C21orf91: variants seen among roughly 807,000 people sequenced by gnomAD.
The protein encoded by C21orf91 is chromosome 21 open reading frame 91, also known as protein EURL homolog.
Under a neutral mutation model 32.9 loss-of-function variants are expected in C21orf91, and 26 were observed. The observed-to-expected ratio is 0.79, with a 90% CI of 0.58 to 1.10. The LOEUF (loss-of-function observed/expected upper bound fraction) is 1.10. Ranked by LOEUF, C21orf91 falls within the 50% of genes least tolerant of loss-of-function variation. The probability of loss-of-function intolerance (pLI) is 0.00; values close to 1 mark genes in which losing one functional copy is unlikely to be tolerated. For synonymous variants in C21orf91, 126 were observed against 120.4 expected (o/e 1.05, Z -0.31); for missense variants, 310 against 341.3 (o/e 0.91, Z 0.72).
intron 2 of C21orf91, among the ~76,000 whole-genome samples, chr21:17,812,591 C>G (rs996067352): frequency 6.6e-6 from 1 of 152,134 alleles, no homozygotes; most frequent in Non-Finnish European, 1.5e-5. Context: ...GGGTGCATCA[C>G]GAGCTCAGGA....
chr21:17,814,354 T>C (rs2062651898), intron 2 of C21orf91, among the ~76,000 whole-genome samples: 1 of 152,206 alleles, frequency 6.6e-6, no homozygotes, highest in South Asian at 2.1e-4. Flanking sequence ...AAAAAGTTCA[T>C]AGTGTCTTAG....
intron 2 of C21orf91, chr21:17,810,857 C>T (rs1210578630): frequency 1.3e-5 from 2 of 152,174 alleles, no homozygotes; most frequent in African/African-American, 4.8e-5. Flanking sequence ...ATTATGTTGG[C>T]ATATTATTGT....
chr21:17,817,725 G>C (rs1373880293), intron 2 of C21orf91: 1 of 152,116 alleles, frequency 6.6e-6, no homozygotes, highest in Admixed American at 6.5e-5. Context: ...TCACTGAAAA[G>C]AGGTTAATCT....
chr21:17,813,843 A>C (rs965551441), intron 2 of C21orf91: 2 of 152,144 alleles, frequency 1.3e-5, no homozygotes, highest in Non-Finnish European at 2.9e-5. Context: ...CAATCTTATA[A>C]AAAAGTTTTA....
chr21:17,795,526 G>C (rs2062510981), intron 3 of C21orf91, among the ~76,000 whole-genome samples: 1 of 152,194 alleles, frequency 6.6e-6, no homozygotes, highest in South Asian at 2.1e-4. Context: ...CCAGGTGGCA[G>C]TGCAGTGGTG....
chr21:17,804,484 G>T (rs2062582434), intron 2 of C21orf91, among the ~76,000 whole-genome samples: 1 of 152,172 alleles, frequency 6.6e-6, no homozygotes. Context: ...CCATATTCAA[G>T]TACCCAACAT....
chr21:17,796,728 GAAAGTCC>G lies in C21orf91; in HGVS notation c.511_517del (p.Gly171LeufsTer50). 1 of 1,614,124 alleles carries G rather than the reference GAAAGTCC, an allele frequency of 6.2e-7. No homozygotes were observed. Among genetic ancestry groups the G allele is most frequent in the Middle Eastern group, 1.6e-4 (1 of 6,062 alleles). On this transcript the variant is annotated frameshift_variant, in exon 3 of 5. Coordinates refer to ENST00000284881, the MANE Select transcript of C21orf91 (RefSeq NM_001100420.2). LOFTEE classifies it high-confidence loss of function. ...AGTGGCACCTGAATCTTGTAACATA[GAAAGTCC>G]AAAGTCTGTATTTTCCCTCTGCTCC...
At position 17,796,620 on chromosome 21, in the gene C21orf91, T is replaced by A; in HGVS notation, c.626A>T (p.Asn209Ile). The change falls in exon 3 of 5, where the codon AAT (asparagine) becomes ATT (isoleucine). Residue 209 changes from asparagine to isoleucine, a missense_variant. Transcript: ENST00000284881. ...GTAATGTGGATGCTGGGTCTGGACA[T>A]TAGCCTCTGGACTAGAGATTGTCTC... Reference protein sequence around the residue: ...KEETISSPEANVQTQHPHYSR... With the variant: ...KEETISSPEAIVQTQHPHYSR... The A allele has an allele frequency of 6.2e-7, 1 of 1,614,042 alleles. No individual in the cohort carries two copies.
At chr21:17,800,459 T>C (rs1568751333) in intron 2 of C21orf91, among the ~76,000 whole-genome samples, 1 of 152,228 alleles carries the variant, frequency 6.6e-6, no homozygotes, top group Admixed American at 6.5e-5. Context: ...CTTGAAGTGA[T>C]TTGTTGTTTC....
chr21:17,818,410 T>C (rs2062679956), intron 1 of C21orf91, 85 bp from the exon 2 acceptor site: 2 of 1,118,046 alleles, frequency 1.8e-6, no homozygotes, highest in Non-Finnish European at 2.6e-6. Context: ...TTCTAGGAAA[T>C]AAGGATGCTG....
At position 17,801,290 on chromosome 21, in the gene C21orf91, A is replaced by T. The variant is rs1270895115; in HGVS notation, c.128-4172T>A. ...ACACCGTATGTTTTTTTTTTTTTTT[A>T]GACGGAGTCTCGCTCTGTCACCCAG... On this transcript the variant is annotated intron_variant, in intron 2 of 4. Transcript: ENST00000284881. Among the ~76,000 whole-genome samples the T allele has an allele frequency of 1.9e-4, 28 of 145,226 alleles. 1 individual carries two copies. Among genetic ancestry groups the T allele is most frequent in the East Asian group, 1.8e-3 (8 of 4,424 alleles).
intron 2 of C21orf91, among the ~76,000 whole-genome samples, chr21:17,801,569 C>T (rs1342771776): frequency 6.6e-6 from 1 of 151,980 alleles, no homozygotes; most frequent in Non-Finnish European, 1.5e-5. Flanking sequence ...CGTGCCCGGC[C>T]CGTATGTTCT....
rs138826358 is a variant in C21orf91, at chr21:17,802,884, C to T, written c.128-5766G>A. 3.8e-4 allele frequency among the ~76,000 whole-genome samples: 58 copies of T among 152,296 alleles called. 1 individual carries two copies. The highest frequency in any genetic ancestry group is 1.9e-3 in the Admixed American group (29 of 15,304). ...TTGAATTGGATTACATATTCCATTT[C>T]CCAACCAAAGGACTGGCTTTACATA... On this transcript the variant is annotated intron_variant, in intron 2 of 4. Transcript: ENST00000284881.
chr21:17,818,038 C>T (rs1471477121), intron 2 of C21orf91, 154 bp downstream of exon 2: 1 of 479,500 alleles, frequency 2.1e-6, no homozygotes, highest in Non-Finnish European at 3.6e-6. Context: ...ACTGCACCTT[C>T]ATTTCCAGAA....
chr21:17,799,615 C>T (rs944491902), intron 2 of C21orf91, among the ~76,000 whole-genome samples: 3 of 152,132 alleles, frequency 2.0e-5, no homozygotes, highest in African/African-American at 7.2e-5. Context: ...GGGTCATGAT[C>T]ATCATCACCT....
In C21orf91 at chr21:17,792,637, T is replaced by C. The variant is rs1364788662; in HGVS notation, c.*778A>G. 3.9e-5 allele frequency: 6 copies of C among 152,212 alleles called. No individual in the cohort carries two copies. Among genetic ancestry groups the C allele is most frequent in the African/African-American group, 1.2e-4 (5 of 41,460 alleles). The allele number at this position is 152,212 out of a possible 1,614,324, so 9.4% of individuals were successfully genotyped here. ...TGAAAGAAGCAAGAGGAGGCTTTCA[T>C]TTCTATGGAGACAAATTGACATAGA... On this transcript the variant is annotated 3_prime_UTR_variant, in exon 5 of 5. Transcript: ENST00000284881.
At chr21:17,795,834 C>T (rs1273500760) in intron 3 of C21orf91, among the ~76,000 whole-genome samples, 6 of 152,010 alleles carry the variant, frequency 3.9e-5, no homozygotes, top group African/African-American at 1.5e-4. Context: ...AAAGTTTCAC[C>T]AAAAAATAGT....
Position 17,795,231 on chromosome 21 carries a change from G to A in C21orf91, c.704C>T (p.Ala235Val), listed in dbSNP as rs1294284852. The A allele has an allele frequency of 1.9e-6, 3 of 1,610,848 alleles. No homozygotes were observed. Among genetic ancestry groups the A allele is most frequent in the Non-Finnish European group, 2.5e-6 (3 of 1,177,404 alleles). ...ACCCTGGATTTGCTGTAGGAGCTTT[G>A]CATTCAGTTGCTCTACCTCACCAAG... is the stretch of plus-strand genomic sequence containing the variant. Reference protein sequence around the residue: ...MTLGEVEQLNAKLLQQIQEVF... With the variant: ...MTLGEVEQLNVKLLQQIQEVF... The change falls in exon 4 of 5, where the codon GCA (alanine) becomes GTA (valine). Residue 235 changes from alanine (A) to valine (V), a missense_variant. Ala to Val is a moderately conservative substitution (Grantham distance 64). Coordinates refer to ENST00000284881, the MANE Select transcript of C21orf91 (RefSeq NM_001100420.2).
At position 17,792,121 on chromosome 21, in the gene C21orf91, A is replaced by C. The variant is rs2062479097; in HGVS notation, c.*1294T>G. 1.3e-5 allele frequency: 2 copies of C among 152,096 alleles called. No individual in the cohort carries two copies. The highest frequency in any genetic ancestry group is 4.1e-4 in the South Asian group (2 of 4,826). The allele number at this position is 152,096 out of a possible 1,614,324, so 9.4% of individuals were successfully genotyped here. A position where few individuals can be genotyped will look rare whatever the true frequency, so the allele number is the denominator to read the frequency against. ...ACCTCATAAGTACATTCTAAACATG[A>C]GTTAAAAACAGAATTTAGAGCCCAT... On this transcript the variant is annotated 3_prime_UTR_variant, in exon 5 of 5. Transcript: ENST00000284881.
Sources: allele counts gnomAD v4.1 joint callset (sites outside exome capture counted in the v4.1 genomes callset), GRCh38; gene constraint gnomAD v4.1.1; transcripts MANE v1.5; gene names NCBI Gene and HGNC (gene_info 2026-07-23, HGNC 2026-07-21).